Variants in UBE2G1 observed in about 807,000 individuals in gnomAD.
The protein encoded by UBE2G1 is ubiquitin-conjugating enzyme E2 G1.
A neutral mutation model predicts 22.7 loss-of-function variants in UBE2G1; 5 were observed. That is an observed-to-expected ratio of 0.22 (90% CI 0.12 to 0.46). The LOEUF (loss-of-function observed/expected upper bound fraction) is 0.46, where lower values mean the gene tolerates loss of function less well. Among genes scored for constraint, UBE2G1 ranks in the 20% least tolerant of loss-of-function variants. The pLI is 0.99. For synonymous variants in UBE2G1, 74 were observed against 67.5 expected (o/e 1.10, Z -0.47); for missense variants, 88 against 203.9 (o/e 0.43, Z 3.46).
rs1968725735 is a variant in UBE2G1, at chr17:4,269,511, G to A, written c.*3043C>T. ...ATACACAGGCACCACAGCCCAAAGC[G>A]GGCAGATTCGTCGAGGGTGAGTGGG... is the stretch of plus-strand genomic sequence containing the variant. On this transcript the variant is annotated 3_prime_UTR_variant, in exon 6 of 6. Coordinates refer to ENST00000396981, the MANE Select transcript of UBE2G1 (RefSeq NM_003342.5). The A allele has an allele frequency of 1.6e-5, 3 of 186,060 alleles. No individual in the cohort carries two copies. The highest frequency in any genetic ancestry group is 4.2e-5 in the Admixed American group (1 of 23,600). 11.5% of individuals were successfully genotyped at this position (186,060 alleles called of 1,614,324 possible). A position where few individuals can be genotyped will look rare whatever the true frequency, so the allele number is the denominator to read the frequency against.
At chr17:4,326,918 T>G (rs1165831618) in intron 1 of UBE2G1, among the ~76,000 whole-genome samples, 1 of 152,164 alleles carries the variant, frequency 6.6e-6, no homozygotes, top group African/African-American at 2.4e-5. Flanking sequence ...ATCCCAGCAC[T>G]TGGGAGGCCA....
Position 4,366,448 on chromosome 17 carries a change from G to A in UBE2G1, c.-132C>T. The stretch of plus-strand genomic sequence containing the variant: ...GGAGCGCCGGAGCCGAGGAAGGCCG[G>A]GCTGAGGCGGCGGGAGCGGCGCCTC... On this transcript the variant is annotated 5_prime_UTR_variant, in exon 1 of 6. Coordinates refer to ENST00000396981, the MANE Select transcript of UBE2G1 (RefSeq NM_003342.5). 4.4e-6 allele frequency: 4 copies of A among 902,676 alleles called. No homozygotes were observed. The highest frequency in any genetic ancestry group is 6.0e-6 in the Non-Finnish European group (4 of 664,530). The allele number at this position is 902,676 out of a possible 1,614,324, so 55.9% of individuals were successfully genotyped here.
intron 1 of UBE2G1, among the ~76,000 whole-genome samples, chr17:4,341,775 C>T (rs984717354): frequency 1.3e-5 from 2 of 152,174 alleles, no homozygotes; most frequent in African/African-American, 4.8e-5. Context: ...GTACCATTCA[C>T]CTCTAGTGGT....
At chr17:4,352,438 C>A (rs1369463183) in intron 1 of UBE2G1, among the ~76,000 whole-genome samples, 1 of 152,126 alleles carries the variant, frequency 6.6e-6, no homozygotes, top group Admixed American at 6.5e-5. Flanking sequence ...TGAAGTCTAG[C>A]TGTCTTGGTT....
chr17:4,286,345 C>T (rs992646198), intron 4 of UBE2G1, among the ~76,000 whole-genome samples: 3 of 148,874 alleles, frequency 2.0e-5, no homozygotes, highest in Admixed American at 6.8e-5. Flanking sequence ...GTGGAGGTTG[C>T]AGTGAGCTGA....
At chr17:4,355,656 A>G (rs562491773) in intron 1 of UBE2G1, among the ~76,000 whole-genome samples, 11 of 145,214 alleles carry the variant, frequency 7.6e-5, no homozygotes, top group African/African-American at 2.0e-4. Flanking sequence ...AAAAAAAAAG[A>G]AAAAAAAAAT....
At chr17:4,359,511 A>G (rs909495905) in intron 1 of UBE2G1, among the ~76,000 whole-genome samples, 1 of 152,256 alleles carries the variant, frequency 6.6e-6, no homozygotes, top group Non-Finnish European at 1.5e-5. Flanking sequence ...ACAGCAATAC[A>G]GTACAGTATT....
At chr17:4,349,054 G>A (rs1259304723) in intron 1 of UBE2G1, among the ~76,000 whole-genome samples, 1 of 151,806 alleles carries the variant, frequency 6.6e-6, no homozygotes, top group Non-Finnish European at 1.5e-5. Context: ...TGGGCGAGGT[G>A]GCTCACGCCT....
At chr17:4,334,433 CAA>C (rs1338963241) in intron 1 of UBE2G1, among the ~76,000 whole-genome samples, 1 of 152,138 alleles carries the variant, frequency 6.6e-6, no homozygotes, top group Admixed American at 6.6e-5. Context: ...TAATAAAACA[CAA>C]GACTTGATAA....
intron 3 of UBE2G1, among the ~76,000 whole-genome samples, chr17:4,295,921 C>A (rs1317924206): frequency 6.8e-6 from 1 of 146,750 alleles, no homozygotes; most frequent in Non-Finnish European, 1.5e-5. Flanking sequence ...GTCATCACTA[C>A]GTGCACAGCC....
At chr17:4,353,754 C>T (rs535723789) in intron 1 of UBE2G1, among the ~76,000 whole-genome samples, 14 of 152,020 alleles carry the variant, frequency 9.2e-5, no homozygotes, top group African/African-American at 3.1e-4. Context: ...TCGTGATCCA[C>T]CTGCCTCGGC....
intron 1 of UBE2G1, among the ~76,000 whole-genome samples, chr17:4,359,997 C>T (rs1274232184): frequency 1.3e-5 from 2 of 151,998 alleles, no homozygotes; most frequent in African/African-American, 4.8e-5. Context: ...TATTCTTTAT[C>T]ATTTATCTGT....
intron 1 of UBE2G1, among the ~76,000 whole-genome samples, chr17:4,325,882 A>C (rs1969499730): frequency 6.6e-6 from 1 of 152,222 alleles, no homozygotes; most frequent in Non-Finnish European, 1.5e-5. Flanking sequence ...AAAATCTTTC[A>C]ATAAACAACA....
chr17:4,282,811 A>C lies in UBE2G1; in HGVS notation c.*24T>G. 1 of 1,593,756 alleles carries C rather than the reference A, an allele frequency of 6.3e-7. No individual in the cohort carries two copies. Among genetic ancestry groups the C allele is most frequent in the South Asian group, 1.1e-5 (1 of 87,386 alleles). Reference sequence around the variant, plus strand: ...AAATAAACTTACCCTGAAATAAGTGAAGTTACTAGCTGCTAAATAAATGTC... The same window carrying C: ...AAATAAACTTACCCTGAAATAAGTGCAGTTACTAGCTGCTAAATAAATGTC... On this transcript the variant is annotated 3_prime_UTR_variant, in exon 5 of 6. Transcript: ENST00000396981.
rs541131138 is a variant in UBE2G1, at chr17:4,280,097, G to A, written c.*37+2701C>T. Among the ~76,000 whole-genome samples the A allele has an allele frequency of 2.6e-4, 39 of 150,724 alleles. No homozygotes were observed. In the South Asian group the frequency reaches 6.1e-3, roughly 23 times the overall value. ...GTAGCCCAGGCTAGAGTGCAGTGGC[G>A]TGATCTCGGCTCATCGCAGCCTCCG... is the stretch of plus-strand genomic sequence containing the variant. On this transcript the variant is annotated intron_variant, in intron 5 of 5. Transcript: ENST00000396981.
At chr17:4,334,605 C>T (rs1378556120) in intron 1 of UBE2G1, among the ~76,000 whole-genome samples, 1 of 152,146 alleles carries the variant, frequency 6.6e-6, no homozygotes, top group Admixed American at 6.6e-5. Context: ...GTGGCACAAT[C>T]TCAGCTCACT....
chr17:4,313,728 G>A (rs1567521378), intron 1 of UBE2G1, among the ~76,000 whole-genome samples: 3 of 152,148 alleles, frequency 2.0e-5, no homozygotes, highest in South Asian at 4.1e-4. Context: ...CATGCCGTCC[G>A]TAATATGTGC....
intron 5 of UBE2G1, among the ~76,000 whole-genome samples, chr17:4,279,353 C>T (rs1240081129): frequency 6.6e-6 from 1 of 150,604 alleles, no homozygotes; most frequent in African/African-American, 2.4e-5. Context: ...TAGAACATAA[C>T]AGGCACTGTG....
intron 1 of UBE2G1, among the ~76,000 whole-genome samples, chr17:4,316,242 T>C (rs938012608): frequency 3.9e-5 from 6 of 152,190 alleles, no homozygotes; most frequent in African/African-American, 1.4e-4. Flanking sequence ...TCCTGTCAAG[T>C]TTATTTATAC....
Sources: gnomAD v4.1 joint callset for allele counts (sites outside exome capture counted in the v4.1 genomes callset) on GRCh38, gnomAD v4.1.1 for gene constraint, MANE v1.5 for transcripts, NCBI Gene and HGNC (gene_info 2026-07-23, HGNC 2026-07-21) for gene names.